Variants in KLHL2 observed in about 807,000 individuals in gnomAD.
KLHL2 encodes kelch-like protein 2.
Under a neutral mutation model 75.8 loss-of-function variants are expected in KLHL2, and 15 were observed. The observed-to-expected ratio is 0.20, with a 90% CI of 0.13 to 0.30. The LOEUF is 0.30. Among genes scored for constraint, KLHL2 ranks in the 10% least tolerant of loss-of-function variants. The pLI is 1.00. For missense variants in KLHL2, 381 were observed against 741.0 expected, an observed-to-expected ratio of 0.51 and a Z score of 5.64; for synonymous variants, 214 against 251.9, an observed-to-expected ratio of 0.85 and a Z score of 1.42.
At chr4:165,318,037 A>G (rs1553965903) in intron 14 of KLHL2, 68 bp downstream of exon 14, 2 of 1,430,048 alleles carry the variant, frequency 1.4e-6, no homozygotes, top group Non-Finnish European at 1.9e-6. Flanking sequence ...TATATTAACG[A>G]AGTTTTTCTG....
intron 1 of KLHL2, among the ~76,000 whole-genome samples, chr4:165,218,771 A>T (rs1302578373): frequency 6.6e-6 from 1 of 152,228 alleles, no homozygotes; most frequent in Non-Finnish European, 1.5e-5. Flanking sequence ...AAAATGAATC[A>T]TCCTTTTAGA....
At chr4:165,292,807 G>A (rs1246870951) in intron 5 of KLHL2, among the ~76,000 whole-genome samples, 1 of 151,874 alleles carries the variant, frequency 6.6e-6, no homozygotes, top group Non-Finnish European at 1.5e-5. Flanking sequence ...TATTTATAAG[G>A]GTTTTATAAG....
chr4:165,255,927 A>C (rs1741130764), intron 4 of KLHL2, among the ~76,000 whole-genome samples: 1 of 152,104 alleles, frequency 6.6e-6, no homozygotes, highest in African/African-American at 2.4e-5. Context: ...GCAAACTGCT[A>C]ATGGCTCAGG....
At chr4:165,297,456 CAT>C (rs1453113449) in intron 6 of KLHL2, among the ~76,000 whole-genome samples, 151 bp from the exon 7 acceptor site, 1 of 151,504 alleles carries the variant, frequency 6.6e-6, no homozygotes, top group Non-Finnish European at 1.5e-5. Flanking sequence ...TTTGTAAGTA[CAT>C]TGCAAGTCAG....
intron 5 of KLHL2, among the ~76,000 whole-genome samples, chr4:165,285,111 A>C (rs80109899): frequency 0.029 from 4,411 of 152,266 alleles, 215 homozygotes; most frequent in African/African-American, 0.1. Context: ...TTCAAGGATG[A>C]TATGACTGTC....
intron 7 of KLHL2, among the ~76,000 whole-genome samples, chr4:165,298,072 C>T (rs1299748769): frequency 6.6e-6 from 1 of 152,238 alleles, no homozygotes; most frequent in African/African-American, 2.4e-5. Context: ...ATCTACCCGC[C>T]TCGGCCTCCC....
intron 5 of KLHL2, among the ~76,000 whole-genome samples, chr4:165,264,703 TGTATATATATATATATAC>T (rs1742030987): frequency 1.6e-4 from 16 of 102,466 alleles, no homozygotes; most frequent in African/African-American, 6.0e-4. Flanking sequence ...TGTGTGTGTG[TGTATATATATATATATAC>T]ATATATATAT....
chr4:165,290,783 A>T (rs898923025), intron 5 of KLHL2, among the ~76,000 whole-genome samples: 3 of 152,156 alleles, frequency 2.0e-5, no homozygotes, highest in African/African-American at 7.2e-5. Context: ...CCTAGCCAAC[A>T]TGGTGAAACC....
At chr4:165,268,279 A>AT (rs551732052) in intron 5 of KLHL2, among the ~76,000 whole-genome samples, 206 of 151,888 alleles carry the variant, frequency 1.4e-3, no homozygotes, top group Non-Finnish European at 2.4e-3. Flanking sequence ...GGATTCATTG[A>AT]TTTTTTGAAG....
intron 13 of KLHL2, among the ~76,000 whole-genome samples, chr4:165,316,121 GAGTT>G (rs1321237061): frequency 2.0e-5 from 3 of 152,162 alleles, no homozygotes; most frequent in Non-Finnish European, 4.4e-5. Flanking sequence ...CTGGTGTTGT[GAGTT>G]AGTGGGTTAG....
chr4:165,318,859 A>G (rs955720413), intron 14 of KLHL2, among the ~76,000 whole-genome samples: 3 of 152,112 alleles, frequency 2.0e-5, no homozygotes, highest in African/African-American at 7.3e-5. Context: ...AGAAATATTG[A>G]AAAAATTAAG....
intron 5 of KLHL2, among the ~76,000 whole-genome samples, chr4:165,288,962 A>G (rs996924416): frequency 2.6e-5 from 4 of 152,118 alleles, no homozygotes; most frequent in African/African-American, 4.8e-5. Flanking sequence ...ACTAAGCACC[A>G]GACAGACTAA....
At chr4:165,278,269 A>T (rs1743322394) in intron 5 of KLHL2, 1 of 1,075,492 alleles carries the variant, frequency 9.3e-7, no homozygotes, top group Non-Finnish European at 1.5e-6. Flanking sequence ...CCGCCATGGC[A>T]GCACCCAGTG....
At chr4:165,317,521 T>A (rs1176473593) in intron 13 of KLHL2, among the ~76,000 whole-genome samples, 18 of 152,018 alleles carry the variant, frequency 1.2e-4, no homozygotes, top group Admixed American at 1.2e-3. Context: ...CACTCCCCCA[T>A]GCCTGGCTGA....
chr4:165,257,433 C>A lies in KLHL2; in HGVS notation c.382-5764C>A, dbSNP rs192699973. Among the ~76,000 whole-genome samples, 3 of 152,324 alleles carry A rather than the reference C, an allele frequency of 2.0e-5. No homozygotes were observed. In the East Asian group the frequency reaches 5.8e-4, roughly 29 times the overall value. On this transcript the variant is annotated intron_variant, in intron 4 of 14. Coordinates refer to ENST00000226725, the MANE Select transcript of KLHL2 (RefSeq NM_007246.4). ...CCACAGCATTATTTCCTGCATGCTT[C>A]CAGACTGTGTGGGTATGAGCCCAGT...
At chr4:165,230,638 G>A (rs1272701929) in intron 3 of KLHL2, among the ~76,000 whole-genome samples, 1 of 150,922 alleles carries the variant, frequency 6.6e-6, no homozygotes, top group Non-Finnish European at 1.5e-5. Flanking sequence ...ACTTACACCT[G>A]TAAGATCAAG....
chr4:165,277,785 A>ACACACACACACACACC (rs1204584506), intron 5 of KLHL2: 27 of 603,036 alleles, frequency 4.5e-5, no homozygotes, highest in African/African-American at 4.2e-4. Context: ...ACACACACAC[A>ACACACACACACACACC]CCAAATATTT....
In KLHL2 at chr4:165,213,583, G is replaced by T. The variant is rs145379199; in HGVS notation, c.26+5681G>T. ...TCCAGCTCATCGTTGCATTCCTATG[G>T]TGTTTGTCACTGCACCTATGTACTG... On this transcript the variant is annotated intron_variant, in intron 1 of 14. Transcript: ENST00000226725. Among the ~76,000 whole-genome samples, 812 of 152,138 alleles carry T rather than the reference G, an allele frequency of 5.3e-3. 10 individuals carry two copies. The highest frequency in any genetic ancestry group is 0.018 in the African/African-American group (765 of 41,494).
At position 165,263,509 on chromosome 4, in the gene KLHL2, C is replaced by T. The variant is rs1292599139; in HGVS notation, c.544+150C>T. 1.8e-5 allele frequency: 17 copies of T among 963,508 alleles called. No individual in the cohort carries two copies. The East Asian group carries it at 4.3e-4, about 24-fold the overall frequency. 59.7% of individuals were successfully genotyped at this position (963,508 alleles called of 1,614,324 possible). ...ATCTTATAATGGTCACACTGCATAA[C>T]TGAAGCATACTCATAAAATTCTGAA... On this transcript the variant is annotated intron_variant, in intron 5 of 14. Coordinates refer to ENST00000226725, the MANE Select transcript of KLHL2 (RefSeq NM_007246.4).
Sources: allele counts gnomAD v4.1 joint callset (sites outside exome capture counted in the v4.1 genomes callset), GRCh38; gene constraint gnomAD v4.1.1; transcripts MANE v1.5; gene names NCBI Gene and HGNC (gene_info 2026-07-23, HGNC 2026-07-21).